Variants in ATP2C1 observed in about 807,000 individuals in gnomAD.
The protein encoded by ATP2C1 is ATPase secretory pathway Ca2+ transporting 1, also known as calcium-transporting ATPase type 2C member 1.
ATP2C1 carries 31 observed loss-of-function variants against 120.5 expected under a neutral mutation model. The observed-to-expected ratio is 0.26, with a 90% CI of 0.19 to 0.35. ATP2C1 has a LOEUF of 0.35. Ranked by LOEUF, ATP2C1 falls within the 10% of genes least tolerant of loss-of-function variation. ATP2C1 has a pLI of 1.00. For missense variants in ATP2C1, 731 were observed against 1,107.5 expected (o/e 0.66, Z 4.83); for synonymous variants, 351 against 358.7 (o/e 0.98, Z 0.24).
intron 1 of ATP2C1, among the ~76,000 whole-genome samples, chr3:130,877,752 T>G (rs1188003643): frequency 6.6e-6 from 1 of 152,170 alleles, no homozygotes; most frequent in African/African-American, 2.4e-5. Context: ...GATCTAGAAC[T>G]AGAAATATCA....
chr3:130,911,741 GA>G (rs985223781), intron 2 of ATP2C1, among the ~76,000 whole-genome samples: 10 of 151,330 alleles, frequency 6.6e-5, no homozygotes, highest in Non-Finnish European at 1.2e-4. Flanking sequence ...CACAGAATTG[GA>G]AAAAACTACT....
At chr3:130,913,501 A>C (rs1187157385) in intron 2 of ATP2C1, among the ~76,000 whole-genome samples, 3 of 152,186 alleles carry the variant, frequency 2.0e-5, no homozygotes, top group Non-Finnish European at 2.9e-5. Context: ...TGTTTATAAA[A>C]TGTCTTGTTG....
At chr3:130,970,956 T>C (rs1027962727) in intron 17 of ATP2C1, among the ~76,000 whole-genome samples, 2 of 152,164 alleles carry the variant, frequency 1.3e-5, no homozygotes, top group Admixed American at 1.3e-4. Context: ...CCGTCTATTC[T>C]TTAAAGGAAC....
chr3:130,913,122 G>A (rs1203937948), intron 2 of ATP2C1, among the ~76,000 whole-genome samples: 1 of 147,064 alleles, frequency 6.8e-6, no homozygotes, highest in Non-Finnish European at 1.5e-5. Flanking sequence ...GGGAGGGATA[G>A]CATTGGGAGA....
chr3:130,864,697 G>A (rs1442766166), intron 1 of ATP2C1, among the ~76,000 whole-genome samples: 1 of 152,224 alleles, frequency 6.6e-6, no homozygotes, highest in Non-Finnish European at 1.5e-5. Flanking sequence ...CTCAGGCTAT[G>A]GCTTCAGAGG....
At chr3:130,932,473 G>C (rs1160936367) in intron 4 of ATP2C1, among the ~76,000 whole-genome samples, 1 of 152,044 alleles carries the variant, frequency 6.6e-6, no homozygotes, top group African/African-American at 2.4e-5. Flanking sequence ...CAGAAAACTA[G>C]TAAAAAGTAA....
chr3:130,966,401 C>G (rs564253969), intron 14 of ATP2C1, among the ~76,000 whole-genome samples: 2 of 152,192 alleles, frequency 1.3e-5, no homozygotes, highest in Non-Finnish European at 1.5e-5. Context: ...TTTTATCTCT[C>G]AATTAATGTC....
At chr3:130,929,833 T>C (rs2059378132) in intron 2 of ATP2C1, 1 of 170,474 alleles carries the variant, frequency 5.9e-6, no homozygotes, top group Admixed American at 5.7e-5. Flanking sequence ...TTCCCCACCC[T>C]TCCCACCAGC....
intron 18 of ATP2C1, among the ~76,000 whole-genome samples, chr3:130,978,043 A>C (rs2061599542): frequency 1.3e-5 from 2 of 152,140 alleles, no homozygotes; most frequent in South Asian, 4.1e-4. Flanking sequence ...TAACCTCTAG[A>C]CTAGTGCCAC....
At chr3:130,903,333 A>G (rs1469225458) in intron 2 of ATP2C1, among the ~76,000 whole-genome samples, 1 of 152,116 alleles carries the variant, frequency 6.6e-6, no homozygotes, top group African/African-American at 2.4e-5. Context: ...TTAACCCTAT[A>G]GGATTCAAAG....
downstream of ATP2C1, among the ~76,000 whole-genome samples, chr3:131,005,109 C>CTTTTT (rs35129703): frequency 5.4e-5 from 5 of 92,636 alleles, 1 homozygote; most frequent in African/African-American, 1.8e-4. Context: ...TTTGAATTGT[C>CTTTTT]TTTTTTTTTT....
At chr3:130,975,821 G>A (rs948753691) in intron 18 of ATP2C1, among the ~76,000 whole-genome samples, 1 of 152,168 alleles carries the variant, frequency 6.6e-6, no homozygotes. Flanking sequence ...TTGTTTTAAA[G>A]ACAAAAATAC....
intron 19 of ATP2C1, 112 bp from the exon 20 acceptor site, chr3:130,980,470 G>T: frequency 1.4e-6 from 1 of 739,896 alleles, no homozygotes; most frequent in Admixed American, 2.0e-5. Flanking sequence ...TGTATTACTG[G>T]TAGGTAACAA....
At chr3:130,948,058 TTTAA>T (rs1479224928) in intron 8 of ATP2C1, among the ~76,000 whole-genome samples, 4 of 152,162 alleles carry the variant, frequency 2.6e-5, no homozygotes, top group Admixed American at 6.5e-5. Flanking sequence ...CATTTATAAG[TTTAA>T]TTATATAGGA....
chr3:130,999,487 G>A, intron 26 of ATP2C1, 31 bp from the exon 27 acceptor site: 1 of 1,611,908 alleles, frequency 6.2e-7, no homozygotes. Flanking sequence ...TGACCAAGGA[G>A]TAATAAATGA....
At chr3:130,940,213 T>C (rs1005043044) in intron 6 of ATP2C1, among the ~76,000 whole-genome samples, 8 of 152,242 alleles carry the variant, frequency 5.3e-5, no homozygotes, top group African/African-American at 1.9e-4. Context: ...GCTGTTAGCA[T>C]GGGCTTAAAT....
At chr3:131,000,828 C>T (rs1352008859) in intron 27 of ATP2C1, among the ~76,000 whole-genome samples, 4 of 152,110 alleles carry the variant, frequency 2.6e-5, no homozygotes, top group East Asian at 3.9e-4. Context: ...GGTGGCCAGG[C>T]GCCATGCCTC....
In ATP2C1 at chr3:130,921,864, C is replaced by T. The variant is rs542231833; in HGVS notation, c.7-8552C>T. Among the ~76,000 whole-genome samples, 15 of 152,180 alleles carry T rather than the reference C, an allele frequency of 9.9e-5. No individual in the cohort carries two copies. In the East Asian group the frequency reaches 2.9e-3, roughly 29 times the overall value. ...TTGATAGGCTGTTAGATTCAGTTAGCTAGTATTTTGTTGGGAAGTTTTGCA... is the reference window on the plus strand; with the variant it reads ...TTGATAGGCTGTTAGATTCAGTTAGTTAGTATTTTGTTGGGAAGTTTTGCA... On this transcript the variant is annotated intron_variant, in intron 2 of 27. Coordinates refer to ENST00000510168, the MANE Select transcript of ATP2C1 (RefSeq NM_001378687.1).
At chr3:130,959,027 C>CTG (rs139972639) in intron 11 of ATP2C1, among the ~76,000 whole-genome samples, 11 of 151,274 alleles carry the variant, frequency 7.3e-5, no homozygotes, top group African/African-American at 1.7e-4. Flanking sequence ...AAAAGTAAAA[C>CTG]TGTGTGTGTG....
Sources: gnomAD v4.1 joint callset for allele counts (sites outside exome capture counted in the v4.1 genomes callset) on GRCh38, gnomAD v4.1.1 for gene constraint, MANE v1.5 for transcripts, NCBI Gene and HGNC (gene_info 2026-07-23, HGNC 2026-07-21) for gene names.